RPGRIP1L: variants seen among roughly 807,000 people sequenced by gnomAD.
RPGRIP1L encodes RPGRIP1 like.
A neutral mutation model predicts 160.4 loss-of-function variants in RPGRIP1L; 131 were observed. The ratio of observed to expected loss-of-function variants is 0.82; its 90% CI spans 0.71 to 0.94. The LOEUF (loss-of-function observed/expected upper bound fraction) is 0.94, where lower values mean the gene tolerates loss of function less well. Among genes scored for constraint, RPGRIP1L ranks in the 40% least tolerant of loss-of-function variants. The probability of loss-of-function intolerance (pLI) is 0.00; values close to 1 mark genes in which losing one functional copy is unlikely to be tolerated. For missense variants in RPGRIP1L, 1,522 were observed against 1,535.8 expected, an observed-to-expected ratio of 0.99 and a Z score of 0.15; for synonymous variants, 510 against 515.8, an observed-to-expected ratio of 0.99 and a Z score of 0.15.
chr16:53,665,445 G>A (rs953991698), intron 9 of RPGRIP1L, among the ~76,000 whole-genome samples: 1 of 152,112 alleles, frequency 6.6e-6, no homozygotes, highest in African/African-American at 2.4e-5. Context: ...TAAAGAGTCT[G>A]TGATAATAAC....
intron 19 of RPGRIP1L, among the ~76,000 whole-genome samples, chr16:53,638,705 A>G (rs1019456421): frequency 5.9e-5 from 9 of 151,930 alleles, no homozygotes; most frequent in Non-Finnish European, 8.8e-5. Context: ...TAAATAAAAT[A>G]TGCTATATCC....
At chr16:53,620,828 AT>A (rs1470786830) in intron 23 of RPGRIP1L, among the ~76,000 whole-genome samples, 1 of 151,908 alleles carries the variant, frequency 6.6e-6, no homozygotes, top group African/African-American at 2.4e-5. Flanking sequence ...TTTAAATGAT[AT>A]TTTTTTTCCT....
chr16:53,666,927 A>AT (rs1968316896), intron 9 of RPGRIP1L, among the ~76,000 whole-genome samples: 1 of 152,148 alleles, frequency 6.6e-6, no homozygotes, highest in African/African-American at 2.4e-5. Context: ...TTAGGATTAC[A>AT]TTCCACTGGA....
chr16:53,638,007 A>C (rs888005204), intron 20 of RPGRIP1L, among the ~76,000 whole-genome samples, 153 bp from the exon 21 acceptor site: 1 of 152,184 alleles, frequency 6.6e-6, no homozygotes, highest in Non-Finnish European at 1.5e-5. Context: ...CAACCACTTC[A>C]ATTTGTACAA....
At chr16:53,646,362 C>A (rs2151086036) in intron 16 of RPGRIP1L, among the ~76,000 whole-genome samples, 1 of 152,218 alleles carries the variant, frequency 6.6e-6, no homozygotes, top group East Asian at 1.9e-4. Context: ...AAAATACATT[C>A]ACCCGCCCAC....
chr16:53,645,539 T>C, intron 17 of RPGRIP1L, 86 bp downstream of exon 17: 1 of 1,256,508 alleles, frequency 8.0e-7, no homozygotes, highest in Non-Finnish European at 1.1e-6. Context: ...TTAGGGTGAT[T>C]AGTTATAAAC....
chr16:53,609,233 T>C (rs1372740873), intron 25 of RPGRIP1L, among the ~76,000 whole-genome samples: 3 of 152,250 alleles, frequency 2.0e-5, no homozygotes, highest in Non-Finnish European at 4.4e-5. Context: ...GGACTACTGG[T>C]GCATGCCACC....
At chr16:53,644,393 G>C (rs552890074) in intron 17 of RPGRIP1L, among the ~76,000 whole-genome samples, 2 of 151,676 alleles carry the variant, frequency 1.3e-5, no homozygotes, top group Non-Finnish European at 2.9e-5. Flanking sequence ...TCAAGAAGGA[G>C]AAGAAAAAAA....
rs188977356 is a variant in RPGRIP1L, at chr16:53,684,929, T to C, written c.776+1504A>G. ...CTATGAACAGAGTAAACAGACAACC[T>C]ATAGAATGGGAGAAAATTTCTGCAA... On this transcript the variant is annotated intron_variant, in intron 6 of 26. Transcript: ENST00000647211. Among the ~76,000 whole-genome samples the C allele has an allele frequency of 8.7e-3, 1,328 of 152,016 alleles. 21 individuals are homozygous for C. The highest frequency in any genetic ancestry group is 0.011 in the Non-Finnish European group (732 of 67,962).
intron 10 of RPGRIP1L, among the ~76,000 whole-genome samples, chr16:53,663,623 T>C (rs1168035892): frequency 6.6e-6 from 1 of 152,074 alleles, no homozygotes; most frequent in African/African-American, 2.4e-5. Context: ...ACTGTATGTA[T>C]TTCTGACATG....
rs1440636968 is a variant in RPGRIP1L, at chr16:53,641,303, A to G, written c.2856T>C (p.Ser952=). 2 of 1,614,018 alleles carry G rather than the reference A, an allele frequency of 1.2e-6. No homozygotes were observed. Among genetic ancestry groups the G allele is most frequent in the Non-Finnish European group, 1.7e-6 (2 of 1,179,936 alleles). The change falls in exon 18 of 27, where the codon TCT becomes TCC. Residue 952 remains serine (S), a synonymous_variant. Coordinates refer to ENST00000647211, the MANE Select transcript of RPGRIP1L (RefSeq NM_015272.5). ...TACTCACTAAAACTAGTGTGCTAAC[A>G]GAGGATGCTGGAGGAAGTCTTTGAA... The part of the protein sequence containing the change: ...EVVQRLPPAS[S]VSTLVLAPRP...
At chr16:53,661,458 T>C (rs1018332762) in intron 10 of RPGRIP1L, among the ~76,000 whole-genome samples, 1 of 152,222 alleles carries the variant, frequency 6.6e-6, no homozygotes, top group Non-Finnish European at 1.5e-5. Flanking sequence ...AGTGGGACTC[T>C]GTATGTTGAT....
At position 53,664,952 on chromosome 16, in the gene RPGRIP1L, C is replaced by T; in HGVS notation, c.1161G>A (p.Val387=). 1 of 1,613,480 alleles carries T rather than the reference C, an allele frequency of 6.2e-7. No individual in the cohort carries two copies. Reference sequence around the variant, plus strand: ...AGGCAGTCTCGAGCTGAGCAATCTGCACTTTCAGCTGTTGCTCCTTTAACT... The same window carrying T: ...AGGCAGTCTCGAGCTGAGCAATCTGTACTTTCAGCTGTTGCTCCTTTAACT... ...QWKLKEQQLK[V]QIAQLETALK... Residue 387 remains valine, a synonymous_variant, in exon 10 of 27, where the codon GTG becomes GTA. Coordinates refer to ENST00000647211, the MANE Select transcript of RPGRIP1L (RefSeq NM_015272.5).
chr16:53,688,160 C>T (rs549209185), intron 4 of RPGRIP1L, among the ~76,000 whole-genome samples, 195 bp from the exon 5 acceptor site: 28 of 152,014 alleles, frequency 1.8e-4, no homozygotes, highest in Non-Finnish European at 3.4e-4. Flanking sequence ...AAATAAAACA[C>T]AGCAGCAAGT....
chr16:53,682,679 A>G (rs1969697796), intron 6 of RPGRIP1L, among the ~76,000 whole-genome samples: 1 of 152,170 alleles, frequency 6.6e-6, no homozygotes, highest in Non-Finnish European at 1.5e-5. Flanking sequence ...ATGAATTTTT[A>G]TATTCAGACA....
At chr16:53,631,425 G>A (rs1077352) in intron 22 of RPGRIP1L, among the ~76,000 whole-genome samples, 73,200 of 152,082 alleles carry the variant, frequency 0.48, 21,581 homozygotes, top group African/African-American at 0.83. Flanking sequence ...GTAATTTCCC[G>A]TTCTCACCTG....
At chr16:53,703,777 C>T (rs756510958) in intron 1 of RPGRIP1L, 26 bp downstream of exon 1, 17 of 339,610 alleles carry the variant, frequency 5.0e-5, no homozygotes, top group Admixed American at 7.8e-5. Context: ...CCACCCTCAT[C>T]CTCCCCCATC....
Position 53,619,053 on chromosome 16 carries a change from C to G in RPGRIP1L, c.3588G>C (p.Gly1196=). Residue 1196 remains glycine, a synonymous_variant, in exon 24 of 27, where the codon GGG becomes GGC. Coordinates refer to ENST00000647211, the MANE Select transcript of RPGRIP1L (RefSeq NM_015272.5). ...TPVSLPKPKS[G]QWVYYNYSNV... ...TGCTATAGTTATAGTAGACCCACTG[C>G]CCACTCTTGGGTTTTGGAAGTGACA... 1 of 1,613,822 alleles carries G rather than the reference C, an allele frequency of 6.2e-7. No homozygotes were observed. Among genetic ancestry groups the G allele is most frequent in the African/African-American group, 1.3e-5 (1 of 74,998 alleles).
In RPGRIP1L at chr16:53,687,877, TC is replaced by T; in HGVS notation, c.617del (p.Gly206GlufsTer3). 6.2e-7 allele frequency: 1 copy of T among 1,602,578 alleles called. No individual in the cohort carries two copies. The highest frequency in any genetic ancestry group is 8.5e-7 in the Non-Finnish European group (1 of 1,169,976). ...AGAACACATACAAATTTCTTATTTC[TC>T]CTCTGGCTTCTTCAAGTAAACTGTT... ...YGNSLLEEAR[G>X]EIRNLENVIQ... is the part of the protein sequence containing the mutation. On this transcript the variant is annotated frameshift_variant, in exon 5 of 27. Coordinates refer to ENST00000647211, the MANE Select transcript of RPGRIP1L (RefSeq NM_015272.5). LOFTEE classifies it high-confidence loss of function.
Sources: allele counts gnomAD v4.1 joint callset (sites outside exome capture counted in the v4.1 genomes callset), GRCh38; gene constraint gnomAD v4.1.1; transcripts MANE v1.5; gene names NCBI Gene and HGNC (gene_info 2026-07-23, HGNC 2026-07-21).